MUC5AC: variants seen among roughly 807,000 people sequenced by gnomAD.
MUC5AC encodes the protein mucin-5AC.
A neutral mutation model predicts 169.7 loss-of-function variants in MUC5AC; 158 were observed. That is an observed-to-expected ratio of 0.93 (90% CI 0.82 to 1.06). The LOEUF (loss-of-function observed/expected upper bound fraction) is 1.06, where lower values mean the gene tolerates loss of function less well. Ranked by LOEUF, MUC5AC falls within the 50% of genes least tolerant of loss-of-function variation. MUC5AC has a pLI of 0.00. For missense variants in MUC5AC, 4,359 were observed against 3,089.9 expected, an observed-to-expected ratio of 1.41 and a Z score of -9.74; for synonymous variants, 1,975 against 1,237.0, an observed-to-expected ratio of 1.60 and a Z score of -12.52.
Position 1,187,319 on chromosome 11 carries a change from C to T in MUC5AC, c.9174C>T (p.Thr3058=), listed in dbSNP as rs1554928164. The change falls in exon 31 of 49, where the codon ACC becomes ACT. Residue 3058 remains threonine (T), a synonymous_variant. Coordinates refer to ENST00000621226, the MANE Select transcript of MUC5AC (RefSeq NM_001304359.2). ...CCAGCACAACCTCGGCTTCTACCAC[C>T]AGCATAACTTCTGGTCCTGGAACTA... is the stretch of plus-strand genomic sequence containing the variant. The part of the protein sequence containing the change: ...PQTSTTSAST[T]SITSGPGTTP... 32 of 712,204 alleles carry T rather than the reference C, an allele frequency of 4.5e-5. No individual in the cohort carries two copies. The highest frequency in any genetic ancestry group is 8.2e-5 in the Non-Finnish European group (32 of 390,800). The allele number at this position is 712,204 out of a possible 1,614,324, so 44.1% of individuals were successfully genotyped here.
intron 10 of MUC5AC, 69 bp from the exon 11 acceptor site, chr11:1,165,553 T>A: frequency 6.2e-7 from 1 of 1,600,130 alleles, no homozygotes; most frequent in Non-Finnish European, 8.5e-7. Context: ...CCGGTCAGCC[T>A]CCTGACGCGG....
intron 1 of MUC5AC, 141 bp downstream of exon 1, chr11:1,158,213 G>A (rs1236158837): frequency 1.6e-5 from 12 of 750,256 alleles, no homozygotes. Context: ...CCCTGACTGT[G>A]GCCTGGCCAC....
chr11:1,178,558 T>C lies in MUC5AC; in HGVS notation c.3202T>C (p.Ser1068Pro). 7 of 1,379,644 alleles carry C rather than the reference T, an allele frequency of 5.1e-6. No individual in the cohort carries two copies. Among genetic ancestry groups the C allele is most frequent in the South Asian group, 3.5e-5 (2 of 56,390 alleles). The allele number at this position is 1,379,644 out of a possible 1,614,324, so 85.5% of individuals were successfully genotyped here. Residue 1068 changes from serine (S) to proline (P), a missense_variant, in exon 25 of 49, where the codon TCC becomes CCC. By Grantham distance (74) the Ser-to-Pro change is moderately conservative. Coordinates refer to ENST00000621226, the MANE Select transcript of MUC5AC (RefSeq NM_001304359.2). The part of the protein sequence containing the change: ...VLEFGNSWKL[S>P]PSCPDALAPK... ...GGAGTTTGGGAACAGCTGGAAGCTC[T>C]CCCCCTCCTGCCCAGATGCCCTGGC...
intron 15 of MUC5AC, among the ~76,000 whole-genome samples, chr11:1,170,409 CT>C (rs1860470641): frequency 7.8e-6 from 1 of 127,756 alleles, no homozygotes; most frequent in African/African-American, 2.9e-5. Context: ...ACCCACTCAC[CT>C]ACTCACCCAC....
intron 11 of MUC5AC, among the ~76,000 whole-genome samples, chr11:1,167,279 A>G (rs1453484145): frequency 7.0e-6 from 1 of 143,306 alleles, no homozygotes; most frequent in African/African-American, 2.7e-5. Context: ...TCTGCACCCA[A>G]CACAGTCTCC....
In MUC5AC at chr11:1,199,360, C is replaced by T. The variant is rs756146979; in HGVS notation, c.16396-11C>T. 1.3e-5 allele frequency: 9 copies of T among 707,948 alleles called. No homozygotes were observed. Among genetic ancestry groups the T allele is most frequent in the Non-Finnish European group, 2.1e-5 (8 of 388,426 alleles). The allele number at this position is 707,948 out of a possible 1,614,324, so 43.9% of individuals were successfully genotyped here. A position where few individuals can be genotyped will look rare whatever the true frequency, so the allele number is the denominator to read the frequency against. ...GAGGGTCACTCACCCCGGGGCCTGG[C>T]CTCCCTCCAGCCCGGCGAGACCTGG... On this transcript the variant is annotated splice_polypyrimidine_tract_variant and intron_variant, in intron 45 of 48. Transcript: ENST00000621226.
rs1160934414 is a variant in MUC5AC at position 1,180,536 on chromosome 11, G to A, written c.3776+20G>A. The A allele has an allele frequency of 2.5e-6, 1 of 398,792 alleles. No individual in the cohort carries two copies. The highest frequency in any genetic ancestry group is 4.4e-6 in the Non-Finnish European group (1 of 226,156). The allele number at this position is 398,792 out of a possible 1,614,324, so 24.7% of individuals were successfully genotyped here. On this transcript the variant is annotated intron_variant, in intron 28 of 48. Coordinates refer to ENST00000621226, the MANE Select transcript of MUC5AC (RefSeq NM_001304359.2). ...GTCCTGGTGAGTCCTTTGGGGGGAG[G>A]AATATGGAGCCTGCAGCATGCAGGG...
rs774960282 is a variant in MUC5AC, at chr11:1,191,809, C to T, written c.13664C>T (p.Ser4555Phe). 3 of 763,250 alleles carry T rather than the reference C, an allele frequency of 3.9e-6. No individual in the cohort carries two copies. The African/African-American group carries it at 5.1e-5, about 13-fold the overall frequency. The allele number at this position is 763,250 out of a possible 1,614,324, so 47.3% of individuals were successfully genotyped here. The change falls in exon 31 of 49, where the codon TCT becomes TTT. Residue 4555 changes from serine (S) to phenylalanine (F), a missense_variant. By Grantham distance (155) the Ser-to-Phe change is radical. Transcript: ENST00000621226. ...CCTGTTCCCACCACGAGCACAACCT[C>T]TGCTCCTACAACTAGCACAACCTCT... ...LSPVPTTSTT[S>F]APTTSTTSGP...
At chr11:1,173,636 T>C (rs1427214998) in intron 16 of MUC5AC, among the ~76,000 whole-genome samples, 2 of 151,268 alleles carry the variant, frequency 1.3e-5, no homozygotes, top group African/African-American at 4.9e-5. Context: ...ATCCACTCAC[T>C]CATCCACTCA....
Position 1,200,886 on chromosome 11 carries a change from T to G in MUC5AC, c.*184T>G. ...ACCTGCTGCCTGGAGGAGGGGCCCT[T>G]ACCCACCCCGCCTGCAGCCACCTCT... On this transcript the variant is annotated 3_prime_UTR_variant, in exon 49 of 49. Transcript: ENST00000621226. 1 of 492,752 alleles carries G rather than the reference T, an allele frequency of 2.0e-6. No homozygotes were observed. 30.5% of individuals were successfully genotyped at this position (492,752 alleles called of 1,614,324 possible). A position where few individuals can be genotyped will look rare whatever the true frequency, so the allele number is the denominator to read the frequency against.
At position 1,200,844 on chromosome 11, in the gene MUC5AC, G is replaced by T. The variant is rs1406274326; in HGVS notation, c.*142G>T. On this transcript the variant is annotated 3_prime_UTR_variant, in exon 49 of 49. Coordinates refer to ENST00000621226, the MANE Select transcript of MUC5AC (RefSeq NM_001304359.2). ...TGTCCACGCCCGCTTTCTTGTGGAGGGTGTGGGCTATGGGTCACCTGCTGC... is the reference window on the plus strand; with the variant it reads ...TGTCCACGCCCGCTTTCTTGTGGAGTGTGTGGGCTATGGGTCACCTGCTGC... The T allele has an allele frequency of 6.7e-6, 4 of 594,222 alleles. No individual in the cohort carries two copies. The highest frequency in any genetic ancestry group is 1.2e-5 in the Non-Finnish European group (4 of 332,446). 36.8% of individuals were successfully genotyped at this position (594,222 alleles called of 1,614,324 possible). A position where few individuals can be genotyped will look rare whatever the true frequency, so the allele number is the denominator to read the frequency against.
At chr11:1,177,734 GAA>G in intron 24 of MUC5AC, 101 bp downstream of exon 24, 1 of 352,894 alleles carries the variant, frequency 2.8e-6, no homozygotes, top group Non-Finnish European at 5.0e-6. Flanking sequence ...GACACAGAGA[GAA>G]ACACAGAGAT....
At chr11:1,181,608 G>A in intron 30 of MUC5AC, 149 bp downstream of exon 30, 1 of 397,530 alleles carries the variant, frequency 2.5e-6, no homozygotes, top group East Asian at 3.6e-5. Flanking sequence ...AGGGAGTCGG[G>A]CTCGGGGATG....
intron 2 of MUC5AC, among the ~76,000 whole-genome samples, chr11:1,160,895 C>T (rs533929781): frequency 1.3e-3 from 196 of 152,358 alleles, no homozygotes; most frequent in African/African-American, 4.4e-3. Flanking sequence ...CCCCCTGCAG[C>T]GCTTAGGCTC....
rs924546078 is a variant in MUC5AC, at chr11:1,176,950, C to T, written c.2677C>T (p.Arg893Trp). The T allele has an allele frequency of 1.5e-4, 60 of 399,002 alleles. No individual in the cohort carries two copies. The highest frequency in any genetic ancestry group is 2.4e-4 in the Non-Finnish European group (55 of 226,446). 24.7% of individuals were successfully genotyped at this position (399,002 alleles called of 1,614,324 possible). A position where few individuals can be genotyped will look rare whatever the true frequency, so the allele number is the denominator to read the frequency against. The change falls in exon 22 of 49, where the codon CGG (arginine) becomes TGG (tryptophan). Residue 893 changes from arginine to tryptophan, a missense_variant. Physicochemically the swap from Arg to Trp is moderately radical, Grantham distance 101 (BLOSUM62 -3). Coordinates refer to ENST00000621226, the MANE Select transcript of MUC5AC (RefSeq NM_001304359.2). ...NTCTCDSRMWRCTDDPCLATC... is the reference protein window; with the variant it reads ...NTCTCDSRMWWCTDDPCLATC... ...CAGCACCTGTGACAGCAGGATGTGG[C>T]GGTGCACAGATGACCCCTGCCTGGC...
intron 22 of MUC5AC, 41 bp from the exon 23 acceptor site, chr11:1,177,190 G>A: frequency 2.5e-6 from 1 of 399,126 alleles, no homozygotes; most frequent in Non-Finnish European, 4.4e-6. Context: ...CGGGAAGGAG[G>A]GCAGGGCCTG....
chr11:1,175,569 AC>A (rs1355330135), intron 19 of MUC5AC, among the ~76,000 whole-genome samples: 24,820 of 144,248 alleles, frequency 0.17, 2,378 homozygotes, highest in Non-Finnish European at 0.2. Flanking sequence ...ACACTCATGC[AC>A]ATGCTCACAC....
At position 1,199,376 on chromosome 11, in the gene MUC5AC, C is replaced by T. The variant is rs770325282; in HGVS notation, c.16401C>T (p.Gly5467=). Residue 5467 remains glycine (G), a synonymous_variant, in exon 46 of 49, where the codon GGC becomes GGT. Coordinates refer to ENST00000621226, the MANE Select transcript of MUC5AC (RefSeq NM_001304359.2). ...SKSPAHLFYP[G]ETWSDAGNHC... ...GGGGCCTGGCCTCCCTCCAGCCCGGCGAGACCTGGTCAGACGCAGGGAACC... is the reference window on the plus strand; with the variant it reads ...GGGGCCTGGCCTCCCTCCAGCCCGGTGAGACCTGGTCAGACGCAGGGAACC... The T allele has an allele frequency of 1.5e-5, 11 of 715,922 alleles. No individual in the cohort carries two copies. The highest frequency in any genetic ancestry group is 2.3e-4 in the Middle Eastern group (1 of 4,360). The allele number at this position is 715,922 out of a possible 1,614,324, so 44.3% of individuals were successfully genotyped here.
Position 1,176,131 on chromosome 11 carries a change from G to A in MUC5AC, c.2402-20G>A. On this transcript the variant is annotated intron_variant, in intron 19 of 48. Transcript: ENST00000621226. The stretch of plus-strand genomic sequence containing the variant: ...CGCAGCAGCCTGTGGCTGGCCCCCT[G>A]ACGGCCCCTCCCTCCCCAGTGTGTG... The A allele has an allele frequency of 2.5e-6, 1 of 398,562 alleles. No homozygotes were observed. Among genetic ancestry groups the A allele is most frequent in the Non-Finnish European group, 4.4e-6 (1 of 226,066 alleles). 24.7% of individuals were successfully genotyped at this position (398,562 alleles called of 1,614,324 possible). A position where few individuals can be genotyped will look rare whatever the true frequency, so the allele number is the denominator to read the frequency against.
Sources: gnomAD v4.1 joint callset for allele counts (sites outside exome capture counted in the v4.1 genomes callset) on GRCh38, gnomAD v4.1.1 for gene constraint, MANE v1.5 for transcripts, NCBI Gene and HGNC (gene_info 2026-07-23, HGNC 2026-07-21) for gene names.